Variants in HS3ST5 observed in about 807,000 individuals in gnomAD.
HS3ST5 encodes heparan sulfate-glucosamine 3-sulfotransferase 5.
HS3ST5 carries 10 observed loss-of-function variants against 25.4 expected under a neutral mutation model. The observed-to-expected ratio is 0.39, with a 90% CI of 0.24 to 0.67. The LOEUF is 0.67. HS3ST5 is among the 30% of genes least tolerant of loss of function. HS3ST5 has a pLI of 0.44. For missense variants in HS3ST5, 324 were observed against 420.7 expected (o/e 0.77, Z 2.01); for synonymous variants, 170 against 162.4 (o/e 1.05, Z -0.36).
intron 2 of HS3ST5, among the ~76,000 whole-genome samples, chr6:114,214,337 G>A (rs896388444): frequency 1.8e-4 from 28 of 151,936 alleles, no homozygotes; most frequent in South Asian, 6.2e-4. Context: ...ACTTTTTCTC[G>A]TCCAGGAGCC....
intron 3 of HS3ST5, among the ~76,000 whole-genome samples, chr6:114,142,027 T>C (rs918166302): frequency 1.8e-4 from 27 of 152,130 alleles, no homozygotes; most frequent in Non-Finnish European, 3.4e-4. Context: ...CAGCTGGTTG[T>C]TTGTAATATT....
At chr6:114,221,514 C>T (rs58249373) in intron 2 of HS3ST5, among the ~76,000 whole-genome samples, 9,461 of 151,698 alleles carry the variant, frequency 0.062, 336 homozygotes, top group Non-Finnish European at 0.075. Flanking sequence ...TGCTTAACAT[C>T]ACTGACCAGG....
At position 114,341,707 on chromosome 6, in the gene HS3ST5, G is replaced by A. The variant is rs117654394; in HGVS notation, c.-339+488C>T. 6.8e-3 allele frequency among the ~76,000 whole-genome samples: 1,036 copies of A among 152,142 alleles called. 7 individuals carry two copies. The highest frequency in any genetic ancestry group is 0.031 in the Middle Eastern group (9 of 294). On this transcript the variant is annotated intron_variant, in intron 1 of 4. Transcript: ENST00000312719. ...CCACCCACATGTTAACTTAGCCTTT[G>A]CCTGTTCTTTGCCTGCCCTCTGCCT...
intron 3 of HS3ST5, among the ~76,000 whole-genome samples, chr6:114,073,602 C>G (rs955951307): frequency 2.0e-5 from 3 of 152,158 alleles, no homozygotes; most frequent in Admixed American, 2.0e-4. Flanking sequence ...CCATCTCACA[C>G]CAGTTAGAAT....
chr6:114,211,825 C>T (rs1179869140), intron 2 of HS3ST5, among the ~76,000 whole-genome samples: 1 of 152,182 alleles, frequency 6.6e-6, no homozygotes, highest in African/African-American at 2.4e-5. Flanking sequence ...TACTCAGAAG[C>T]TTTGGAATTA....
At chr6:114,268,681 A>G (rs1773513163) in intron 1 of HS3ST5, among the ~76,000 whole-genome samples, 1 of 152,240 alleles carries the variant, frequency 6.6e-6, no homozygotes, top group Non-Finnish European at 1.5e-5. Flanking sequence ...AACTGAAGGC[A>G]GCAGTTAAAA....
chr6:114,184,331 C>T (rs116319722), intron 2 of HS3ST5, among the ~76,000 whole-genome samples: 2,493 of 152,248 alleles, frequency 0.016, 35 homozygotes, highest in African/African-American at 0.038. Context: ...GGAAAATTCT[C>T]AGCTCATCCA....
At chr6:114,305,440 G>A (rs1775249236) in intron 1 of HS3ST5, among the ~76,000 whole-genome samples, 1 of 152,096 alleles carries the variant, frequency 6.6e-6, no homozygotes, top group South Asian at 2.1e-4. Context: ...AATAATAGCA[G>A]CTTGACAGTT....
At chr6:114,298,717 G>A (rs1201059589) in intron 1 of HS3ST5, among the ~76,000 whole-genome samples, 1 of 152,192 alleles carries the variant, frequency 6.6e-6, no homozygotes, top group Non-Finnish European at 1.5e-5. Context: ...ACATTTATTA[G>A]TTCCCCAAAT....
chr6:114,075,839 C>T (rs892111127), intron 3 of HS3ST5, among the ~76,000 whole-genome samples: 2 of 152,180 alleles, frequency 1.3e-5, no homozygotes, highest in Non-Finnish European at 2.9e-5. Flanking sequence ...TTATTTCTCC[C>T]TCTCAGTTCT....
chr6:114,155,721 C>T (rs1778668973), intron 3 of HS3ST5, among the ~76,000 whole-genome samples: 1 of 152,190 alleles, frequency 6.6e-6, no homozygotes, highest in Non-Finnish European at 1.5e-5. Flanking sequence ...GAAAATTACC[C>T]AAACACTATC....
intron 3 of HS3ST5, among the ~76,000 whole-genome samples, chr6:114,093,352 T>C (rs1419600542): frequency 1.1e-5 from 1 of 88,710 alleles, no homozygotes; most frequent in African/African-American, 4.3e-5. Flanking sequence ...TGTTTGTTTG[T>C]TTGTGTGTGT....
At chr6:114,276,600 T>A (rs1773863137) in intron 1 of HS3ST5, among the ~76,000 whole-genome samples, 1 of 113,992 alleles carries the variant, frequency 8.8e-6, no homozygotes. Flanking sequence ...CCAAAAGCTA[T>A]GAGAGTGTGG....
chr6:114,309,214 A>G (rs1474294919), intron 1 of HS3ST5, among the ~76,000 whole-genome samples: 1 of 152,220 alleles, frequency 6.6e-6, no homozygotes, highest in African/African-American at 2.4e-5. Context: ...GCACTCAGGG[A>G]CATAAAGTCT....
intron 4 of HS3ST5, among the ~76,000 whole-genome samples, chr6:114,060,648 T>A (rs775025235): frequency 3.3e-5 from 5 of 152,178 alleles, no homozygotes; most frequent in Non-Finnish European, 7.4e-5. Context: ...TTTGTAGGAT[T>A]TAATTCTTTC....
At chr6:114,293,334 T>C (rs1017785437) in intron 1 of HS3ST5, among the ~76,000 whole-genome samples, 2 of 152,178 alleles carry the variant, frequency 1.3e-5, no homozygotes, top group Non-Finnish European at 2.9e-5. Flanking sequence ...TGGTTTTACA[T>C]GATATTGGAG....
At chr6:114,130,860 T>C (rs1777295474) in intron 3 of HS3ST5, among the ~76,000 whole-genome samples, 1 of 152,094 alleles carries the variant, frequency 6.6e-6, no homozygotes, top group African/African-American at 2.4e-5. Context: ...TGAGCCACCG[T>C]GCCCAGCCAT....
chr6:114,154,316 C>T (rs1778596617), intron 3 of HS3ST5, among the ~76,000 whole-genome samples: 1 of 152,004 alleles, frequency 6.6e-6, no homozygotes, highest in Non-Finnish European at 1.5e-5. Flanking sequence ...TTCCAGCTGG[C>T]ACTATTTAGA....
intron 2 of HS3ST5, among the ~76,000 whole-genome samples, chr6:114,224,472 A>G (rs1196616039): frequency 6.6e-6 from 1 of 151,170 alleles, no homozygotes; most frequent in African/African-American, 2.4e-5. Context: ...AATGTTTACT[A>G]TTTTCCTATT....
Sources: allele counts gnomAD v4.1 joint callset (sites outside exome capture counted in the v4.1 genomes callset), GRCh38; gene constraint gnomAD v4.1.1; transcripts MANE v1.5; gene names NCBI Gene and HGNC (gene_info 2026-07-23, HGNC 2026-07-21).